The following ZNF469 variants were observed in gnomAD, a reference collection of about 807,000 sequenced individuals.
The protein encoded by ZNF469 is zinc finger protein 469.
A neutral mutation model predicts 1.0 loss-of-function variants in ZNF469; 1 was observed. That is an observed-to-expected ratio of 1.00 (90% confidence interval 0.35 to 4.73). ZNF469 has a LOEUF of 4.73. ZNF469 is among the 30% of genes most tolerant of loss of function. The probability of loss-of-function intolerance (pLI) is 0.16; values close to 1 mark genes in which losing one functional copy is unlikely to be tolerated. For missense variants in ZNF469, 6,100 were observed against 5,356.3 expected (o/e 1.14, Z -4.33); for synonymous variants, 2,703 against 2,363.4 (o/e 1.14, Z -4.17).
At chr16:88,349,827 C>T in the ZNF469 span, among the ~76,000 whole-genome samples, 87 of 145,530 alleles carry the variant, frequency 6.0e-4, no homozygotes, top group East Asian at 7.0e-4. Flanking sequence ...TGCACACACA[C>T]GAGGCACCAT....
At chr16:88,236,429 G>A in the ZNF469 span, among the ~76,000 whole-genome samples, 1 of 152,226 alleles carries the variant, frequency 6.6e-6, no homozygotes, top group African/African-American at 2.4e-5. Flanking sequence ...CTGGTCAGCT[G>A]GGCCTGAATT....
At chr16:88,188,390 T>C in the ZNF469 span, among the ~76,000 whole-genome samples, 10 of 150,876 alleles carry the variant, frequency 6.6e-5, no homozygotes. Flanking sequence ...ACTGTCATCC[T>C]GGGGGCCTGG....
chr16:88,208,779 G>GCACACACACA, the ZNF469 span, among the ~76,000 whole-genome samples: 2 of 133,702 alleles, frequency 1.5e-5, no homozygotes, highest in Non-Finnish European at 3.2e-5. Flanking sequence ...GCGTGCGCGC[G>GCACACACACA]CACACACACA....
At chr16:88,189,379 G>A in the ZNF469 span, among the ~76,000 whole-genome samples, 2 of 152,294 alleles carry the variant, frequency 1.3e-5, no homozygotes, top group Middle Eastern at 3.4e-3. This position sits in a 1 kb window ranked among gnomAD's most constrained non-coding sequence, Gnocchi z 4.3. Flanking sequence ...GGGGGGATGT[G>A]ATGGTTCTTC....
chr16:88,417,445 A>G (rs1033949888), intron 1 of ZNF469, among the ~76,000 whole-genome samples: 3 of 151,928 alleles, frequency 2.0e-5, no homozygotes, highest in African/African-American at 7.3e-5. Context: ...CCACCTCCAC[A>G]CCCTGGACGA....
the ZNF469 span, among the ~76,000 whole-genome samples, chr16:88,318,534 G>A: frequency 2.0e-5 from 3 of 152,252 alleles, no homozygotes; most frequent in Non-Finnish European, 2.9e-5. Context: ...AGGGAGACGC[G>A]GTGGCCCCTG....
intron 1 of ZNF469, among the ~76,000 whole-genome samples, chr16:88,401,040 C>A (rs931252239): frequency 6.6e-6 from 1 of 152,106 alleles, no homozygotes; most frequent in Non-Finnish European, 1.5e-5. Flanking sequence ...GCCTGGCTCC[C>A]TCCACCCCAG....
the ZNF469 span, among the ~76,000 whole-genome samples, chr16:88,128,825 G>A: frequency 6.6e-6 from 1 of 152,248 alleles, no homozygotes; most frequent in Non-Finnish European, 1.5e-5. Flanking sequence ...CTGCTCACCT[G>A]GGCCGGGAGG....
upstream of ZNF469, among the ~76,000 whole-genome samples, chr16:88,379,226 C>A (rs1176535199): frequency 6.6e-6 from 1 of 152,196 alleles, no homozygotes; most frequent in East Asian, 1.9e-4. Flanking sequence ...GAGCTCTGGG[C>A]AGCATGTGGG....
the ZNF469 span, among the ~76,000 whole-genome samples, chr16:88,239,575 C>T: frequency 6.8e-6 from 1 of 147,960 alleles, no homozygotes; most frequent in African/African-American, 2.5e-5. Context: ...GCAAGCTCCG[C>T]CTCCCAGGTT....
the ZNF469 span, among the ~76,000 whole-genome samples, chr16:88,310,266 T>C: frequency 4.6e-5 from 7 of 151,906 alleles, no homozygotes; most frequent in East Asian, 5.8e-4. Flanking sequence ...GCAGGAGAGG[T>C]TGGGGGAGGG....
At chr16:88,138,304 C>A in the ZNF469 span, among the ~76,000 whole-genome samples, 1 of 152,212 alleles carries the variant, frequency 6.6e-6, no homozygotes, top group African/African-American at 2.4e-5. Flanking sequence ...GTGCTGGGAT[C>A]GGCCCCTCCC....
At chr16:88,353,849 G>T in the ZNF469 span, among the ~76,000 whole-genome samples, 1 of 152,170 alleles carries the variant, frequency 6.6e-6, no homozygotes, top group South Asian at 2.1e-4. Context: ...GAAGGACCAG[G>T]AAGGAAGCTC....
chr16:88,150,419 A>G, the ZNF469 span, among the ~76,000 whole-genome samples: 10 of 152,300 alleles, frequency 6.6e-5, no homozygotes, highest in South Asian at 1.0e-3. Flanking sequence ...TGGTTTTTGT[A>G]TAAATATTTC....
the ZNF469 span, among the ~76,000 whole-genome samples, chr16:88,300,015 C>T: frequency 2.6e-5 from 4 of 152,160 alleles, no homozygotes; most frequent in Non-Finnish European, 2.9e-5. Context: ...GCGCACGGCA[C>T]GGCTAGGGGG....
At chr16:88,344,530 C>G in the ZNF469 span, among the ~76,000 whole-genome samples, 7 of 152,344 alleles carry the variant, frequency 4.6e-5, no homozygotes, top group East Asian at 1.4e-3. Context: ...TGAAAGTCCC[C>G]ATGGGCTTCT....
At chr16:88,168,469 TCGCTCA>T in the ZNF469 span, among the ~76,000 whole-genome samples, 1 of 151,288 alleles carries the variant, frequency 6.6e-6, no homozygotes, top group South Asian at 2.1e-4. The surrounding 1 kb of genome is among the most constrained non-coding windows in gnomAD (Gnocchi z 4.3). Flanking sequence ...TTGTGTGGGG[TCGCTCA>T]TGTGTGATTG....
chr16:88,256,144 C>T, the ZNF469 span, among the ~76,000 whole-genome samples: 1 of 152,176 alleles, frequency 6.6e-6, no homozygotes, highest in Non-Finnish European at 1.5e-5. Flanking sequence ...CAATATCTAT[C>T]CACCATTATG....
the ZNF469 span, among the ~76,000 whole-genome samples, chr16:88,229,988 C>T: frequency 1.3e-5 from 2 of 152,172 alleles, no homozygotes; most frequent in Non-Finnish European, 2.9e-5. Context: ...AGGGCAGCAG[C>T]CTACTTTCTC....
Sources: gnomAD v4.1 joint callset for allele counts (sites outside exome capture counted in the v4.1 genomes callset) on GRCh38, gnomAD v4.1.1 for gene constraint, Gnocchi (gnomAD v3.1) non-coding constraint, MANE v1.5 for transcripts, NCBI Gene and HGNC (gene_info 2026-07-23, HGNC 2026-07-21) for gene names.